The following TGFB2 variants were observed in gnomAD, a reference collection of about 807,000 sequenced individuals.
TGFB2 encodes the protein transforming growth factor beta 2.
TGFB2 carries 13 observed loss-of-function variants against 42.7 expected under a neutral mutation model. That is an observed-to-expected ratio of 0.30 (90% confidence interval 0.20 to 0.48). The LOEUF is 0.48. Among genes scored for constraint, TGFB2 ranks in the 20% least tolerant of loss-of-function variants. The probability of loss-of-function intolerance (pLI) is 0.99; values close to 1 mark genes in which losing one functional copy is unlikely to be tolerated. For missense variants in TGFB2, 390 were observed against 517.5 expected (o/e 0.75, Z 2.39); for synonymous variants, 193 against 193.6 (o/e 1.00, Z 0.03).
At chr1:218,415,786 T>C (rs1187221851) in intron 2 of TGFB2, among the ~76,000 whole-genome samples, 1 of 150,200 alleles carries the variant, frequency 6.7e-6, no homozygotes, top group Admixed American at 6.6e-5. Context: ...CAGCCCTTTC[T>C]CTGAACCTCA....
intron 1 of TGFB2, among the ~76,000 whole-genome samples, chr1:218,377,523 A>G (rs1364707151): frequency 2.0e-5 from 3 of 152,188 alleles, no homozygotes; most frequent in African/African-American, 7.2e-5. Flanking sequence ...ATCCCTCCCC[A>G]CCAGCTCCAC....
At chr1:218,415,724 A>T (rs1282717020) in intron 2 of TGFB2, among the ~76,000 whole-genome samples, 5 of 148,690 alleles carry the variant, frequency 3.4e-5, no homozygotes, top group East Asian at 2.0e-4. Flanking sequence ...AAAAAAAAAA[A>T]GTTGCAGATG....
intron 2 of TGFB2, among the ~76,000 whole-genome samples, chr1:218,421,068 A>G (rs1279221945): frequency 1.3e-5 from 2 of 152,100 alleles, no homozygotes; most frequent in Non-Finnish European, 2.9e-5. Context: ...TGTGGTAGGC[A>G]CCCCCAAAGT....
chr1:218,435,924 A>G, intron 4 of TGFB2, 46 bp from the exon 5 acceptor site: 1 of 1,547,370 alleles, frequency 6.5e-7, no homozygotes, highest in Non-Finnish European at 8.7e-7. Flanking sequence ...ACTATATTTG[A>G]TGAAGGTGAA....
intron 2 of TGFB2, among the ~76,000 whole-genome samples, chr1:218,425,976 T>C (rs1659609938): frequency 6.6e-6 from 1 of 152,216 alleles, no homozygotes; most frequent in African/African-American, 2.4e-5. Flanking sequence ...ACTGCAAACA[T>C]TTAAAACATT....
chr1:218,372,544 G>A (rs533637411), intron 1 of TGFB2, among the ~76,000 whole-genome samples: 10 of 152,276 alleles, frequency 6.6e-5, no homozygotes, highest in South Asian at 2.1e-4. Context: ...TTCAAGGATC[G>A]TTAACTCTAG....
intron 1 of TGFB2, among the ~76,000 whole-genome samples, chr1:218,391,615 G>A (rs1399101570): frequency 6.6e-6 from 1 of 152,122 alleles, no homozygotes; most frequent in Non-Finnish European, 1.5e-5. Context: ...ATCCTTCTCA[G>A]CATATTTAAA....
intron 1 of TGFB2, among the ~76,000 whole-genome samples, chr1:218,363,844 C>T (rs1483776732): frequency 1.3e-5 from 2 of 152,148 alleles, no homozygotes; most frequent in African/African-American, 2.4e-5. Context: ...ATTAATGTTT[C>T]TTGTCCTGAA....
intron 1 of TGFB2, among the ~76,000 whole-genome samples, chr1:218,369,648 G>A (rs987732536): frequency 4.6e-5 from 7 of 152,162 alleles, no homozygotes; most frequent in South Asian, 4.1e-4. Context: ...GTTCGTACTC[G>A]CGGTGAAGCC....
At chr1:218,356,631 G>T (rs1275921411) in intron 1 of TGFB2, among the ~76,000 whole-genome samples, 1 of 152,212 alleles carries the variant, frequency 6.6e-6, no homozygotes, top group Non-Finnish European at 1.5e-5. Context: ...GAACAGAGGG[G>T]ATGTTGCCTA....
intron 1 of TGFB2, among the ~76,000 whole-genome samples, chr1:218,395,942 T>TA (rs1658496217): frequency 2.6e-5 from 4 of 152,144 alleles, no homozygotes; most frequent in Admixed American, 2.6e-4. Context: ...AAATGGGGAT[T>TA]AAAAAATGGC....
At chr1:218,393,265 G>A (rs943805695) in intron 1 of TGFB2, among the ~76,000 whole-genome samples, 10 of 152,184 alleles carry the variant, frequency 6.6e-5, no homozygotes, top group African/African-American at 9.7e-5. Flanking sequence ...AATGTCCAAT[G>A]CTGAGCAAGG....
chr1:218,380,091 A>G (rs1163701781), intron 1 of TGFB2, among the ~76,000 whole-genome samples: 1 of 152,206 alleles, frequency 6.6e-6, no homozygotes, highest in Non-Finnish European at 1.5e-5. Context: ...GCAGAGAGAG[A>G]TTAAATAACT....
At position 218,427,612 on chromosome 1, in the gene TGFB2, G is replaced by A. The variant is rs372825194; in HGVS notation, c.511-6470G>A. On this transcript the variant is annotated intron_variant, in intron 2 of 6. Coordinates refer to ENST00000366930, the MANE Select transcript of TGFB2 (RefSeq NM_003238.6). Reference sequence around the variant, plus strand: ...TGGTTTTCTGTCCTTGCGATAGTTTGCTGAGAATGATGGTTTCTAGCTTCA... The same window carrying A: ...TGGTTTTCTGTCCTTGCGATAGTTTACTGAGAATGATGGTTTCTAGCTTCA... Among the ~76,000 whole-genome samples the A allele has an allele frequency of 6.6e-5, 10 of 152,200 alleles. No individual in the cohort carries two copies. In the East Asian group the frequency reaches 1.7e-3, roughly 26 times the overall value.
chr1:218,418,845 A>C (rs1007949815), intron 2 of TGFB2, among the ~76,000 whole-genome samples: 1 of 152,320 alleles, frequency 6.6e-6, no homozygotes, highest in African/African-American at 2.4e-5. Flanking sequence ...GCTGCCATGC[A>C]CTTAAGATGT....
chr1:218,358,641 G>C (rs553705453), intron 1 of TGFB2, among the ~76,000 whole-genome samples: 1 of 148,904 alleles, frequency 6.7e-6, no homozygotes, highest in East Asian at 2.0e-4. Context: ...CTCTGCCTCC[G>C]GGGTTCATGC....
chr1:218,414,109 A>G (rs1169711919), intron 2 of TGFB2, among the ~76,000 whole-genome samples: 1 of 152,164 alleles, frequency 6.6e-6, no homozygotes, highest in Non-Finnish European at 1.5e-5. Flanking sequence ...GCCTAGGCCT[A>G]CCTTTTAAGG....
intron 1 of TGFB2, among the ~76,000 whole-genome samples, chr1:218,379,154 A>G (rs2102563734): frequency 7.0e-6 from 1 of 142,466 alleles, no homozygotes; most frequent in Admixed American, 7.2e-5. Context: ...TTTTTTAGAG[A>G]CGGAGTCTCA....
intron 1 of TGFB2, among the ~76,000 whole-genome samples, chr1:218,394,697 C>T (rs571226437): frequency 4.6e-5 from 7 of 152,036 alleles, no homozygotes; most frequent in South Asian, 2.1e-4. Flanking sequence ...GTGGGATGGC[C>T]GGAGAGAAAA....
Sources: gnomAD v4.1 joint callset for allele counts (sites outside exome capture counted in the v4.1 genomes callset) on GRCh38, gnomAD v4.1.1 for gene constraint, MANE v1.5 for transcripts, NCBI Gene and HGNC (gene_info 2026-07-23, HGNC 2026-07-21) for gene names.